Variants in GRAMD1B observed in about 807,000 individuals in gnomAD.
GRAMD1B encodes the protein protein Aster-B.
Under a neutral mutation model 99.7 loss-of-function variants are expected in GRAMD1B, and 37 were observed. The ratio of observed to expected loss-of-function variants is 0.37; its 90% CI spans 0.29 to 0.49. GRAMD1B has a LOEUF of 0.49. Among genes scored for constraint, GRAMD1B ranks in the 20% least tolerant of loss-of-function variants. The probability of loss-of-function intolerance (pLI) is 0.98; values close to 1 mark genes in which losing one functional copy is unlikely to be tolerated. For synonymous variants in GRAMD1B, 427 were observed against 387.6 expected, an observed-to-expected ratio of 1.10 and a Z score of -1.19; for missense variants, 888 against 1,009.2, an observed-to-expected ratio of 0.88 and a Z score of 1.63.
intron 2 of GRAMD1B, chr11:123,560,316 A>G: frequency 8.7e-7 from 1 of 1,151,338 alleles, no homozygotes; most frequent in Non-Finnish European, 1.1e-6. Context: ...AAAGGGAGCC[A>G]GGCAGAGAGA....
chr11:123,427,143 G>A (rs1220568737), upstream of GRAMD1B, among the ~76,000 whole-genome samples: 1 of 152,136 alleles, frequency 6.6e-6, no homozygotes, highest in African/African-American at 2.4e-5. Flanking sequence ...ATATGGGAGT[G>A]GGGAGACTTG....
At chr11:123,452,721 A>C (rs1033800199) in intron 1 of GRAMD1B, among the ~76,000 whole-genome samples, 2 of 152,138 alleles carry the variant, frequency 1.3e-5, no homozygotes, top group Non-Finnish European at 2.9e-5. Flanking sequence ...ATTTACTCTC[A>C]ATATTAGGTC....
At chr11:123,528,127 C>G (rs1942987957) in intron 2 of GRAMD1B, among the ~76,000 whole-genome samples, 2 of 152,060 alleles carry the variant, frequency 1.3e-5, no homozygotes, top group African/African-American at 4.8e-5. Flanking sequence ...AAATGCGGCT[C>G]CCTTTGGCAG....
At position 123,591,542 on chromosome 11, in the gene GRAMD1B, G is replaced by A. The variant is rs1950644602; in HGVS notation, c.685-2540G>A. 9 of 398,912 alleles carry A rather than the reference G, an allele frequency of 2.3e-5. No individual in the cohort carries two copies. In the South Asian group the frequency reaches 6.4e-4, roughly 28 times the overall value. The allele number at this position is 398,912 out of a possible 1,614,324, so 24.7% of individuals were successfully genotyped here. ...GCACGGATCTGAGGAAATCCCAGCC[G>A]TGAGTGTGTGACTCAGTTTCTCTGA... On this transcript the variant is annotated intron_variant, in intron 4 of 19. Coordinates refer to ENST00000635736, the MANE Select transcript of GRAMD1B (RefSeq NM_001387025.1). This position sits in a 1 kb window ranked among gnomAD's most constrained non-coding sequence, Gnocchi z 4.7.
At chr11:123,556,340 C>T (rs115299723) in intron 2 of GRAMD1B, among the ~76,000 whole-genome samples, 136 of 152,292 alleles carry the variant, frequency 8.9e-4, no homozygotes, top group Middle Eastern at 3.4e-3. Context: ...GATTCAGAGA[C>T]GTAAGATCTT....
chr11:123,488,040 G>A (rs920568331), intron 2 of GRAMD1B, among the ~76,000 whole-genome samples: 1 of 152,174 alleles, frequency 6.6e-6, no homozygotes, highest in Non-Finnish European at 1.5e-5. Flanking sequence ...GGAAGTCCAA[G>A]ATCAAGATTT....
chr11:123,530,957 G>A (rs966900037), intron 2 of GRAMD1B, among the ~76,000 whole-genome samples: 3 of 152,076 alleles, frequency 2.0e-5, no homozygotes, highest in African/African-American at 7.2e-5. Context: ...AATGAGTGTT[G>A]GGTGGATTAG....
chr11:123,441,492 T>A (rs1014551938), intron 1 of GRAMD1B, among the ~76,000 whole-genome samples: 1 of 151,964 alleles, frequency 6.6e-6, no homozygotes, highest in Non-Finnish European at 1.5e-5. Flanking sequence ...ATTTAAAAAA[T>A]TAGCCAGGGC....
At chr11:123,409,678 G>A (rs1947974239) in intron 1 of GRAMD1B, among the ~76,000 whole-genome samples, 1 of 152,158 alleles carries the variant, frequency 6.6e-6, no homozygotes, top group East Asian at 1.9e-4. Context: ...TTGAAACTCT[G>A]CGACTTCTGC....
At chr11:123,570,415 T>TCTTTC (rs1947933722) in intron 2 of GRAMD1B, among the ~76,000 whole-genome samples, 2 of 91,744 alleles carry the variant, frequency 2.2e-5, no homozygotes, top group South Asian at 1.2e-3. Flanking sequence ...TTATTTTTTT[T>TCTTTC]CTTTTCTTTT....
At chr11:123,465,386 G>C (rs185353846) in intron 1 of GRAMD1B, among the ~76,000 whole-genome samples, 17 of 152,290 alleles carry the variant, frequency 1.1e-4, no homozygotes, top group African/African-American at 4.1e-4. Flanking sequence ...CCTTTGTTTG[G>C]CTTGAATTCT....
chr11:123,541,619 A>G (rs937188275), intron 2 of GRAMD1B, among the ~76,000 whole-genome samples: 12 of 150,806 alleles, frequency 8.0e-5, no homozygotes, highest in South Asian at 4.2e-4. Flanking sequence ...TAATAAAGAT[A>G]TTAACCTTTG....
chr11:123,407,538 T>A (rs1321884169), intron 1 of GRAMD1B, among the ~76,000 whole-genome samples: 1 of 152,152 alleles, frequency 6.6e-6, no homozygotes, highest in Admixed American at 6.5e-5. Context: ...GACTTGGACA[T>A]CTGGAATCAT....
chr11:123,381,014 A>C (rs1321932289), intron 1 of GRAMD1B, among the ~76,000 whole-genome samples: 1 of 152,018 alleles, frequency 6.6e-6, no homozygotes, highest in Non-Finnish European at 1.5e-5. Flanking sequence ...CTATAGATAG[A>C]ACTCATAAGG....
chr11:123,553,957 A>G (rs1422358400), intron 2 of GRAMD1B, among the ~76,000 whole-genome samples: 1 of 152,146 alleles, frequency 6.6e-6, no homozygotes. Context: ...CTCTTTGGCT[A>G]ACAATCTAGC....
In GRAMD1B at chr11:123,434,264, A is replaced by C. The variant is rs933588558; in HGVS notation, c.374+3098A>C. Among the ~76,000 whole-genome samples the C allele has an allele frequency of 6.0e-5, 9 of 151,216 alleles. No homozygotes were observed. The South Asian group carries it at 1.3e-3, about 21-fold the overall frequency. Reference sequence around the variant, plus strand: ...AAAAAAAAAAAAAAAACCACCACCAACAAAAAACAAGAACATATGTATCTG... The same window carrying C: ...AAAAAAAAAAAAAAAACCACCACCACCAAAAAACAAGAACATATGTATCTG... On this transcript the variant is annotated intron_variant, in intron 1 of 19. Coordinates refer to ENST00000635736, the MANE Select transcript of GRAMD1B (RefSeq NM_001387025.1).
At chr11:123,590,563 G>C (rs939843701) in intron 4 of GRAMD1B, among the ~76,000 whole-genome samples, 1 of 152,154 alleles carries the variant, frequency 6.6e-6, no homozygotes, top group Non-Finnish European at 1.5e-5. Flanking sequence ...CATGTGTAGG[G>C]CCCAGCTCTT....
At chr11:123,622,273 T>C (rs1361751882) in intron 19 of GRAMD1B, among the ~76,000 whole-genome samples, 1 of 152,176 alleles carries the variant, frequency 6.6e-6, no homozygotes, top group East Asian at 1.9e-4. Flanking sequence ...TCCTCCCACC[T>C]CTGCCTCCCA....
intron 2 of GRAMD1B, among the ~76,000 whole-genome samples, chr11:123,528,883 T>G (rs1943069903): frequency 6.6e-6 from 1 of 152,098 alleles, no homozygotes; most frequent in African/African-American, 2.4e-5. Flanking sequence ...ATGCAACTAG[T>G]TGGTGGGGAA....
Sources: allele counts gnomAD v4.1 joint callset (sites outside exome capture counted in the v4.1 genomes callset), GRCh38; gene constraint gnomAD v4.1.1; non-coding constraint Gnocchi (gnomAD v3.1); transcripts MANE v1.5; gene names NCBI Gene and HGNC (gene_info 2026-07-23, HGNC 2026-07-21).